The following AUTS2 variants were observed in gnomAD, a reference collection of about 807,000 sequenced individuals.
The protein encoded by AUTS2 is activator of transcription and developmental regulator AUTS2.
Under a neutral mutation model 112.4 loss-of-function variants are expected in AUTS2, and 17 were observed. The ratio of observed to expected loss-of-function variants is 0.15; its 90% CI spans 0.10 to 0.23. The LOEUF is 0.23. Ranked by LOEUF, AUTS2 falls within the 10% of genes least tolerant of loss-of-function variation. AUTS2 has a pLI of 1.00. For synonymous variants in AUTS2, 751 were observed against 702.7 expected (o/e 1.07, Z -1.09); for missense variants, 1,510 against 1,701.6 (o/e 0.89, Z 1.98).
At chr7:70,495,533 C>T (rs113631540) in intron 5 of AUTS2, among the ~76,000 whole-genome samples, 11 of 151,880 alleles carry the variant, frequency 7.2e-5, no homozygotes, top group African/African-American at 2.2e-4. Context: ...TTCCGCCACC[C>T]TACACATAGA....
intron 4 of AUTS2, among the ~76,000 whole-genome samples, chr7:70,352,930 C>T (rs926406131): frequency 6.6e-6 from 1 of 152,046 alleles, no homozygotes. Flanking sequence ...TGGGGAAGCT[C>T]CTTGTTGGCA....
intron 4 of AUTS2, among the ~76,000 whole-genome samples, chr7:70,370,794 T>C (rs1392418050): frequency 1.3e-5 from 2 of 152,126 alleles, no homozygotes. Context: ...CCATCAGCAG[T>C]GTATGAGTGT....
At chr7:69,759,164 G>A (rs1788061033) in intron 1 of AUTS2, among the ~76,000 whole-genome samples, 1 of 152,098 alleles carries the variant, frequency 6.6e-6, no homozygotes, top group Non-Finnish European at 1.5e-5. Flanking sequence ...CTGTCTGCCC[G>A]GGGAACCTAT....
At chr7:70,716,423 G>C (rs1029851886) in intron 6 of AUTS2, among the ~76,000 whole-genome samples, 1 of 152,064 alleles carries the variant, frequency 6.6e-6, no homozygotes, top group Non-Finnish European at 1.5e-5. Context: ...CACGAGGTCA[G>C]GAGATTGAGA....
chr7:69,897,568 C>T (rs975061292), intron 1 of AUTS2, among the ~76,000 whole-genome samples: 63 of 147,504 alleles, frequency 4.3e-4, no homozygotes, highest in African/African-American at 1.3e-3. Context: ...GGTGAAACCC[C>T]GTCTCTACTA....
intron 5 of AUTS2, among the ~76,000 whole-genome samples, chr7:70,484,037 T>C (rs1373299824): frequency 6.6e-6 from 1 of 152,190 alleles, no homozygotes; most frequent in Admixed American, 6.5e-5. Flanking sequence ...TAAAAATGCT[T>C]GAATTATTAT....
At chr7:69,704,559 G>A (rs1368486148) in intron 1 of AUTS2, among the ~76,000 whole-genome samples, 3 of 152,016 alleles carry the variant, frequency 2.0e-5, no homozygotes, top group East Asian at 3.9e-4. Context: ...ATGAGCCACG[G>A]CACCCGGCCT....
At chr7:70,704,477 T>A (rs574093998) in intron 6 of AUTS2, among the ~76,000 whole-genome samples, 1 of 152,228 alleles carries the variant, frequency 6.6e-6, no homozygotes, top group Admixed American at 6.5e-5. Flanking sequence ...ACTGCTGTCC[T>A]TTGAAAGAGT....
chr7:70,197,572 A>G (rs370757886), intron 4 of AUTS2, among the ~76,000 whole-genome samples: 101 of 108,164 alleles, frequency 9.3e-4, no homozygotes, highest in African/African-American at 3.6e-3. Context: ...AGTCAAAGAA[A>G]GGGGTGACGG....
intron 5 of AUTS2, among the ~76,000 whole-genome samples, chr7:70,609,982 TGTTG>T (rs1333339549): frequency 6.6e-6 from 1 of 151,978 alleles, no homozygotes; most frequent in African/African-American, 2.4e-5. Flanking sequence ...TTGTTGTTGT[TGTTG>T]TTGTTGTTGT....
chr7:70,699,481 C>G (rs1215125948), intron 6 of AUTS2: 1 of 152,166 alleles, frequency 6.6e-6, no homozygotes, highest in African/African-American at 2.4e-5. Context: ...AATTTGAGAC[C>G]ATTTCAGCCT....
At chr7:70,765,614 T>C (rs1479911067) in intron 8 of AUTS2, among the ~76,000 whole-genome samples, 3 of 152,174 alleles carry the variant, frequency 2.0e-5, no homozygotes, top group African/African-American at 7.2e-5. Context: ...ATAGCAGTAA[T>C]TGACACTTGA....
intron 1 of AUTS2, among the ~76,000 whole-genome samples, chr7:69,611,562 T>G (rs566746063): frequency 6.6e-6 from 1 of 152,358 alleles, no homozygotes; most frequent in Admixed American, 6.5e-5. Flanking sequence ...AAAAGTAGTT[T>G]TACATATATC....
intron 2 of AUTS2, among the ~76,000 whole-genome samples, chr7:70,043,331 CT>C (rs779246392): frequency 4.6e-5 from 7 of 152,130 alleles, no homozygotes; most frequent in Non-Finnish European, 1.0e-4. Flanking sequence ...CTCCCCTCCC[CT>C]CCTCTCCCTT....
At chr7:69,789,767 T>C (rs892701868) in intron 1 of AUTS2, among the ~76,000 whole-genome samples, 8 of 152,104 alleles carry the variant, frequency 5.3e-5, no homozygotes, top group Non-Finnish European at 1.5e-5. Flanking sequence ...TAGACTGTTG[T>C]CTTGGGGGGA....
chr7:69,668,073 G>GTGTATAAT (rs11282556), intron 1 of AUTS2, among the ~76,000 whole-genome samples: 1 of 151,260 alleles, frequency 6.6e-6, no homozygotes, highest in Non-Finnish European at 1.5e-5. Flanking sequence ...TGTTTAAATG[G>GTGTATAAT]TCAACAGATG....
chr7:70,676,324 G>A (rs1210841397), intron 5 of AUTS2, among the ~76,000 whole-genome samples: 1 of 151,860 alleles, frequency 6.6e-6, no homozygotes, highest in East Asian at 2.0e-4. Flanking sequence ...CCCAACTACT[G>A]AGGAGGCTGA....
At chr7:70,361,256 A>C (rs999631324) in intron 4 of AUTS2, among the ~76,000 whole-genome samples, 5 of 151,812 alleles carry the variant, frequency 3.3e-5, no homozygotes, top group African/African-American at 9.7e-5. Flanking sequence ...TGGCGTGAAC[A>C]CGGGAGGCGG....
intron 6 of AUTS2, among the ~76,000 whole-genome samples, chr7:70,709,346 G>A (rs750607636): frequency 7.2e-5 from 11 of 152,116 alleles, no homozygotes; most frequent in Admixed American, 2.6e-4. Context: ...TTTTCTCATG[G>A]GTATCATGAG....
Sources: gnomAD v4.1 joint callset for allele counts (sites outside exome capture counted in the v4.1 genomes callset) on GRCh38, gnomAD v4.1.1 for gene constraint, MANE v1.5 for transcripts, NCBI Gene and HGNC (gene_info 2026-07-23, HGNC 2026-07-21) for gene names.